The following CNTN1 variants were observed in gnomAD, a reference collection of about 807,000 sequenced individuals.
The protein encoded by CNTN1 is contactin-1.
Under a neutral mutation model 126.4 loss-of-function variants are expected in CNTN1, and 38 were observed. The observed-to-expected ratio is 0.30, with a 90% CI of 0.23 to 0.39. CNTN1 has a LOEUF of 0.39. Ranked by LOEUF, CNTN1 falls within the 10% of genes least tolerant of loss-of-function variation. The probability of loss-of-function intolerance (pLI) is 1.00; values close to 1 mark genes in which losing one functional copy is unlikely to be tolerated. For missense variants in CNTN1, 1,009 were observed against 1,248.4 expected (o/e 0.81, Z 2.89); for synonymous variants, 413 against 422.6 (o/e 0.98, Z 0.28).
chr12:40,750,528 C>T (rs2136396923), intron 1 of CNTN1, among the ~76,000 whole-genome samples: 1 of 152,094 alleles, frequency 6.6e-6, no homozygotes, highest in East Asian at 1.9e-4. Flanking sequence ...ATTAGCTGTG[C>T]ATGGTGGCTC....
intron 17 of CNTN1, among the ~76,000 whole-genome samples, chr12:41,008,082 C>A (rs756575675): frequency 3.3e-5 from 5 of 152,162 alleles, no homozygotes; most frequent in Admixed American, 6.5e-5. Context: ...CTCTTTCTGG[C>A]AACTTCCTCC....
chr12:40,738,066 G>A (rs57296481), intron 1 of CNTN1, among the ~76,000 whole-genome samples: 9,148 of 152,068 alleles, frequency 0.06, 364 homozygotes, highest in East Asian at 0.19. Context: ...TAATAAGATA[G>A]TAATAGGCTT....
chr12:41,008,333 G>C (rs989758613), intron 17 of CNTN1, among the ~76,000 whole-genome samples: 1 of 152,196 alleles, frequency 6.6e-6, no homozygotes, highest in Non-Finnish European at 1.5e-5. Flanking sequence ...CAGTCATTTT[G>C]ATGAAATGAA....
At position 40,821,402 on chromosome 12, in the gene CNTN1, A is replaced by G. The variant is rs993930373; in HGVS notation, c.-76-86955A>G. Among the ~76,000 whole-genome samples, 3 of 152,360 alleles carry G rather than the reference A, an allele frequency of 2.0e-5. No homozygotes were observed. The East Asian group carries it at 5.8e-4, about 29-fold the overall frequency. On this transcript the variant is annotated intron_variant, in intron 1 of 23. Coordinates refer to ENST00000551295, the MANE Select transcript of CNTN1 (RefSeq NM_001843.4). ...AAAGAAAAACTGCCTATTTTAAAGT[A>G]ACTAAAATTAAATATGATTAAATAG...
chr12:40,996,141 C>CT (rs397849906), intron 17 of CNTN1, among the ~76,000 whole-genome samples: 2,584 of 143,394 alleles, frequency 0.018, 47 homozygotes, highest in African/African-American at 0.052. Context: ...CTGAGCCTCA[C>CT]TTTTTTTTTT....
chr12:40,958,995 A>C, intron 14 of CNTN1, 119 bp from the exon 15 acceptor site: 1 of 1,212,760 alleles, frequency 8.2e-7, no homozygotes, highest in African/African-American at 1.5e-5. Context: ...AGCATGTCTA[A>C]AACACATTCT....
intron 15 of CNTN1, among the ~76,000 whole-genome samples, chr12:40,973,610 G>A (rs1947586076): frequency 6.6e-6 from 1 of 152,032 alleles, no homozygotes; most frequent in African/African-American, 2.4e-5. Context: ...ATTACCAGTG[G>A]AAAAAAGAAT....
chr12:40,767,298 C>A (rs1449500959), intron 1 of CNTN1, among the ~76,000 whole-genome samples: 5 of 129,548 alleles, frequency 3.9e-5, no homozygotes, highest in Admixed American at 1.8e-4. Flanking sequence ...TTTCTGCTGA[C>A]CTTTCCTTTT....
At chr12:40,738,226 C>T (rs1048092484) in intron 1 of CNTN1, among the ~76,000 whole-genome samples, 3 of 151,746 alleles carry the variant, frequency 2.0e-5, no homozygotes, top group Non-Finnish European at 4.4e-5. Flanking sequence ...ACATAGAGCT[C>T]GGAAACTTAT....
At chr12:40,824,784 C>T (rs189116738) in intron 1 of CNTN1, among the ~76,000 whole-genome samples, 37 of 152,120 alleles carry the variant, frequency 2.4e-4, no homozygotes, top group African/African-American at 8.7e-4. Context: ...TTAAATATCA[C>T]CCCTTCCCTC....
intron 1 of CNTN1, among the ~76,000 whole-genome samples, chr12:40,775,829 G>A (rs1411237385): frequency 6.6e-6 from 1 of 151,508 alleles, no homozygotes; most frequent in East Asian, 1.9e-4. Flanking sequence ...ACATTGCGGG[G>A]TAACATTGCC....
At chr12:40,774,136 A>G (rs1205661484) in intron 1 of CNTN1, among the ~76,000 whole-genome samples, 1 of 151,678 alleles carries the variant, frequency 6.6e-6, no homozygotes, top group South Asian at 2.1e-4. Flanking sequence ...GTAAGATAAC[A>G]TAATAACTTG....
chr12:40,942,505 C>G (rs1470038211), intron 12 of CNTN1, among the ~76,000 whole-genome samples: 1 of 152,070 alleles, frequency 6.6e-6, no homozygotes, highest in Non-Finnish European at 1.5e-5. Flanking sequence ...CTTCCAGGAG[C>G]AGGCCTGGTT....
intron 12 of CNTN1, among the ~76,000 whole-genome samples, chr12:40,942,250 C>T (rs1444636230): frequency 1.3e-5 from 2 of 151,908 alleles, no homozygotes; most frequent in Non-Finnish European, 2.9e-5. Context: ...AAGCTGAAGC[C>T]AGGAAGATTA....
chr12:41,002,696 C>T (rs927951129), intron 17 of CNTN1, among the ~76,000 whole-genome samples: 13 of 151,342 alleles, frequency 8.6e-5, no homozygotes, highest in Non-Finnish European at 1.6e-4. Flanking sequence ...TAGCTGGGAC[C>T]ACAGGTGCCT....
At chr12:40,886,150 A>T (rs1419845272) in intron 1 of CNTN1, among the ~76,000 whole-genome samples, 1 of 152,040 alleles carries the variant, frequency 6.6e-6, no homozygotes. Context: ...ATAGTTCTGC[A>T]TCCTCTTTTT....
intron 3 of CNTN1, among the ~76,000 whole-genome samples, chr12:40,910,718 G>A (rs1944994468): frequency 6.6e-6 from 1 of 152,124 alleles, no homozygotes; most frequent in Non-Finnish European, 1.5e-5. Flanking sequence ...TAACTTCTAT[G>A]AGTCTCAACT....
rs1306559063 is a variant in CNTN1 at position 40,809,849 on chromosome 12, C to CACACACAT, written c.-76-98507_-76-98506insCACACATA. ...ACACACACACACACACACACACACA[C>CACACACAT]AAAAGTCAAAACTCATTTGTAAATG... is the stretch of plus-strand genomic sequence containing the variant. On this transcript the variant is annotated intron_variant, in intron 1 of 23. Coordinates refer to ENST00000551295, the MANE Select transcript of CNTN1 (RefSeq NM_001843.4). Among the ~76,000 whole-genome samples the CACACACAT allele has an allele frequency of 7.3e-4, 104 of 142,044 alleles. 1 individual carries two copies. The highest frequency in any genetic ancestry group is 2.6e-3 in the African/African-American group (102 of 39,202). The allele number at this position is 142,044 out of a possible 152,430, so 93.2% of individuals were successfully genotyped here. A position where few individuals can be genotyped will look rare whatever the true frequency, so the allele number is the denominator to read the frequency against.
intron 5 of CNTN1, among the ~76,000 whole-genome samples, chr12:40,923,465 T>C (rs1288548265): frequency 1.3e-5 from 2 of 152,080 alleles, no homozygotes; most frequent in Admixed American, 6.6e-5. Context: ...TAAGATTAAA[T>C]TAGTGTGGTG....
Sources: gnomAD v4.1 joint callset for allele counts (sites outside exome capture counted in the v4.1 genomes callset) on GRCh38, gnomAD v4.1.1 for gene constraint, MANE v1.5 for transcripts, NCBI Gene and HGNC (gene_info 2026-07-23, HGNC 2026-07-21) for gene names.